The following DENND4A variants were observed in gnomAD, a reference collection of about 807,000 sequenced individuals.
DENND4A encodes the protein C-myc promoter-binding protein.
Under a neutral mutation model 199.3 loss-of-function variants are expected in DENND4A, and 70 were observed. That is an observed-to-expected ratio of 0.35 (90% CI 0.29 to 0.43). DENND4A has a LOEUF of 0.43. Among genes scored for constraint, DENND4A ranks in the 20% least tolerant of loss-of-function variants. DENND4A has a pLI of 1.00. For missense variants in DENND4A, 1,723 were observed against 2,255.8 expected, an observed-to-expected ratio of 0.76 and a Z score of 4.78; for synonymous variants, 686 against 766.9, an observed-to-expected ratio of 0.89 and a Z score of 1.74.
chr15:65,690,791 G>T lies in DENND4A; in HGVS notation c.3803C>A (p.Pro1268Gln). The T allele has an allele frequency of 6.2e-7, 1 of 1,613,408 alleles. No homozygotes were observed. Among genetic ancestry groups the T allele is most frequent in the Non-Finnish European group, 8.5e-7 (1 of 1,179,746 alleles). ...NMSSPLTSRT[P>Q]SIDLQRACDD... ...ACATGCCCGTTGTAAATCAATGCTT[G>T]GTGTACGACTTGTCAAAGGACTGCT... Residue 1268 changes from proline to glutamine, a missense_variant, in exon 23 of 33, where the codon CCA becomes CAA. This residue lies in a region of DENND4A where 650 missense variants were observed against 738.1 expected (regional missense o/e 0.88). Transcript: ENST00000443035.
chr15:65,782,014 G>C (rs558547811), intron 1 of DENND4A, among the ~76,000 whole-genome samples: 2 of 152,178 alleles, frequency 1.3e-5, no homozygotes, highest in Non-Finnish European at 2.9e-5. Flanking sequence ...AACTACAGTG[G>C]GATAAAGAGT....
At chr15:65,732,934 A>G in intron 7 of DENND4A, 116 bp from the exon 8 acceptor site, 1 of 608,044 alleles carries the variant, frequency 1.6e-6, no homozygotes, top group Non-Finnish European at 2.9e-6. Context: ...TTATTTTGAA[A>G]TCCCTAATAC....
At chr15:65,709,320 T>C (rs566805328) in intron 14 of DENND4A, among the ~76,000 whole-genome samples, 61 of 152,298 alleles carry the variant, frequency 4.0e-4, no homozygotes, top group African/African-American at 1.4e-3. Context: ...AGTAACAGCA[T>C]TGTATAATTA....
chr15:65,790,605 T>C (rs1383308814), intron 1 of DENND4A, among the ~76,000 whole-genome samples: 1 of 152,194 alleles, frequency 6.6e-6, no homozygotes, highest in Admixed American at 6.5e-5. Context: ...GGACTCCTAC[T>C]GAGAGCTGTG....
rs188148913 is a variant in DENND4A at position 65,713,558 on chromosome 15, C to T, written c.1953+1920G>A. Among the ~76,000 whole-genome samples the T allele has an allele frequency of 9.2e-5, 14 of 152,270 alleles. No homozygotes were observed. The East Asian group carries it at 2.7e-3, about 29-fold the overall frequency. ...AAGGTCCTTAATAACTATGTAAGAT[C>T]CTGCTTCTCAGATGACTTTCAGTTG... On this transcript the variant is annotated intron_variant, in intron 14 of 32. Transcript: ENST00000443035.
At position 65,717,815 on chromosome 15, in the gene DENND4A, C is replaced by G. The variant is rs772155961; in HGVS notation, c.1770G>C (p.Glu590Asp). The G allele has an allele frequency of 6.2e-7, 1 of 1,606,602 alleles. No homozygotes were observed. Among genetic ancestry groups the G allele is most frequent in the Non-Finnish European group, 8.5e-7 (1 of 1,176,184 alleles). Reference sequence around the variant, plus strand: ...AGAGAGAGGCTGCATCTGTGGCTGTCTCAGATGGGGCTTGTGTTATTGGCC... The same window carrying G: ...AGAGAGAGGCTGCATCTGTGGCTGTGTCAGATGGGGCTTGTGTTATTGGCC... ...YLRPITQAPS[E>D]TATDAASLFA... The change falls in exon 13 of 33, where the codon GAG (glutamate) becomes GAC (aspartate). Residue 590 changes from glutamate to aspartate, a missense_variant. Physicochemically the swap from Glu to Asp is conservative, Grantham distance 45 (BLOSUM62 2). Coordinates refer to ENST00000443035, the MANE Select transcript of DENND4A (RefSeq NM_001320835.1).
chr15:65,681,579 GTTT>G (rs113160013), intron 23 of DENND4A, among the ~76,000 whole-genome samples: 1 of 140,290 alleles, frequency 7.1e-6, no homozygotes, highest in Non-Finnish European at 1.5e-5. Context: ...TCATTTTTTT[GTTT>G]TTTTTTTTTT....
chr15:65,708,177 C>CT (rs869222789), intron 14 of DENND4A, among the ~76,000 whole-genome samples: 5 of 136,870 alleles, frequency 3.7e-5, no homozygotes, highest in Non-Finnish European at 8.0e-5. Context: ...TTCTTTCTTT[C>CT]TTTTTTTTTG....
At chr15:65,708,360 C>A (rs2075130314) in intron 14 of DENND4A, among the ~76,000 whole-genome samples, 3 of 152,132 alleles carry the variant, frequency 2.0e-5, no homozygotes, top group African/African-American at 7.2e-5. Flanking sequence ...GCTTCTCCCT[C>A]TCCATATTGG....
intron 1 of DENND4A, among the ~76,000 whole-genome samples, chr15:65,790,913 C>G (rs1188924332): frequency 6.6e-6 from 1 of 152,148 alleles, no homozygotes; most frequent in African/African-American, 2.4e-5. Flanking sequence ...CGGGGCTACG[C>G]TGTTTACAGG....
At chr15:65,728,920 T>A in intron 11 of DENND4A, 152 bp downstream of exon 11, 1 of 764,628 alleles carries the variant, frequency 1.3e-6, no homozygotes. Context: ...TGACGCATAA[T>A]AAGGTCTGAT....
At chr15:65,772,638 C>T (rs796187291) in intron 1 of DENND4A, among the ~76,000 whole-genome samples, 18 of 118,848 alleles carry the variant, frequency 1.5e-4, no homozygotes, top group African/African-American at 5.5e-4. Context: ...ACCTGGGAGG[C>T]GGAGGTTGCA....
At chr15:65,701,333 G>A in intron 18 of DENND4A, 141 bp from the exon 19 acceptor site, 5 of 669,214 alleles carry the variant, frequency 7.5e-6, no homozygotes, top group Non-Finnish European at 1.1e-5. Context: ...TTGGGAGGCT[G>A]AGGCAGGTGG....
chr15:65,759,410 G>A (rs529277049), intron 2 of DENND4A, among the ~76,000 whole-genome samples: 6 of 152,144 alleles, frequency 3.9e-5, no homozygotes, highest in African/African-American at 1.4e-4. Flanking sequence ...CCCAGGAGGC[G>A]GAGGTTGCAG....
intron 1 of DENND4A, among the ~76,000 whole-genome samples, chr15:65,769,395 T>C (rs755448294): frequency 3.3e-5 from 5 of 152,222 alleles, no homozygotes; most frequent in Non-Finnish European, 7.3e-5. Context: ...GTTCCTGTTT[T>C]AATTCATTGC....
intron 1 of DENND4A, among the ~76,000 whole-genome samples, chr15:65,784,746 T>C (rs1423452681): frequency 1.3e-5 from 2 of 152,122 alleles, no homozygotes; most frequent in Non-Finnish European, 2.9e-5. Flanking sequence ...CACATTTTGA[T>C]TCCTTAATTG....
At chr15:65,698,243 T>G (rs1307060590) in intron 20 of DENND4A, among the ~76,000 whole-genome samples, 1 of 152,164 alleles carries the variant, frequency 6.6e-6, no homozygotes, top group African/African-American at 2.4e-5. Flanking sequence ...CACTCCAGTC[T>G]GGGCGACAGA....
intron 2 of DENND4A, among the ~76,000 whole-genome samples, chr15:65,757,908 G>C (rs1275505427): frequency 6.6e-6 from 1 of 152,098 alleles, no homozygotes; most frequent in Non-Finnish European, 1.5e-5. Flanking sequence ...TTGAACCCAG[G>C]AGGAAGAGGT....
intron 32 of DENND4A, 33 bp from the exon 33 acceptor site, chr15:65,662,020 A>G (rs769094582): frequency 6.4e-6 from 10 of 1,571,480 alleles, no homozygotes; most frequent in Admixed American, 1.9e-5. Context: ...AAAAGAATAA[A>G]GAAATTTAGG....
Sources: allele counts gnomAD v4.1 joint callset (sites outside exome capture counted in the v4.1 genomes callset), GRCh38; gene constraint gnomAD v4.1.1; regional missense constraint gnomAD v4.1.1; transcripts MANE v1.5; gene names NCBI Gene and HGNC (gene_info 2026-07-23, HGNC 2026-07-21).